UBE2E2: variants seen among roughly 807,000 people sequenced by gnomAD.
UBE2E2 encodes ubiquitin conjugating enzyme E2 E2.
In UBE2E2, 6 loss-of-function variants were observed where a neutral mutation model predicts 24.7. The ratio of observed to expected loss-of-function variants is 0.24; its 90% CI spans 0.13 to 0.48. The LOEUF is 0.48. UBE2E2 is among the 20% of genes least tolerant of loss of function. The pLI, the probability that UBE2E2 is intolerant of heterozygous loss-of-function variation, is 0.99. For synonymous variants in UBE2E2, 104 were observed against 83.6 expected (o/e 1.24, Z -1.33); for missense variants, 169 against 245.0 (o/e 0.69, Z 2.07).
At chr3:23,554,360 T>A (rs1187726443) in intron 5 of UBE2E2, among the ~76,000 whole-genome samples, 3 of 151,908 alleles carry the variant, frequency 2.0e-5, no homozygotes, top group Non-Finnish European at 4.4e-5. Flanking sequence ...TGTAAAAGAA[T>A]GAAATTGAGC....
chr3:23,320,933 A>C (rs1694721938), intron 3 of UBE2E2, among the ~76,000 whole-genome samples: 1 of 152,224 alleles, frequency 6.6e-6, no homozygotes, highest in Non-Finnish European at 1.5e-5. Flanking sequence ...AACAGAAGTT[A>C]GTGCCTCACA....
At chr3:23,215,438 CT>C (rs538558943) in intron 2 of UBE2E2, among the ~76,000 whole-genome samples, 1 of 152,128 alleles carries the variant, frequency 6.6e-6, no homozygotes, top group Non-Finnish European at 1.5e-5. Flanking sequence ...TAGATCAAAT[CT>C]TTCTCTCCCC....
chr3:23,469,457 A>G (rs1385226990), intron 3 of UBE2E2, among the ~76,000 whole-genome samples: 1 of 152,184 alleles, frequency 6.6e-6, no homozygotes, highest in Non-Finnish European at 1.5e-5. Flanking sequence ...CTAGTAAAAT[A>G]TGTATTATTC....
At chr3:23,368,676 C>G (rs913132107) in intron 3 of UBE2E2, among the ~76,000 whole-genome samples, 2 of 151,998 alleles carry the variant, frequency 1.3e-5, no homozygotes, top group Non-Finnish European at 1.5e-5. Flanking sequence ...TTATTTTTTC[C>G]TTTTGCTTTT....
intron 3 of UBE2E2, among the ~76,000 whole-genome samples, chr3:23,398,757 T>C (rs1202483521): frequency 6.6e-6 from 1 of 152,214 alleles, no homozygotes; most frequent in Non-Finnish European, 1.5e-5. Flanking sequence ...CAGGGTTTTA[T>C]AGCAGTGCCT....
Position 23,489,575 on chromosome 3 carries a change from G to T in UBE2E2, c.228-10033G>T, listed in dbSNP as rs556053201. Among the ~76,000 whole-genome samples the T allele has an allele frequency of 4.4e-4, 67 of 152,312 alleles. 1 individual carries two copies. The highest frequency in any genetic ancestry group is 1.6e-3 in the African/African-American group (66 of 41,564). The stretch of plus-strand genomic sequence containing the variant: ...CTGTTTCCATGGTATAAGTGCAGAG[G>T]TCAAGGAAGAGGTGAGCCCTGCTAG... On this transcript the variant is annotated intron_variant, in intron 3 of 5. Coordinates refer to ENST00000396703, the MANE Select transcript of UBE2E2 (RefSeq NM_152653.4).
chr3:23,406,190 T>C (rs1172196414), intron 3 of UBE2E2, among the ~76,000 whole-genome samples: 1 of 152,258 alleles, frequency 6.6e-6, no homozygotes, highest in Non-Finnish European at 1.5e-5. Flanking sequence ...CTCCAGTTTG[T>C]AAAGATTTGT....
At chr3:23,568,742 T>TACAC (rs1389631794) in intron 5 of UBE2E2, among the ~76,000 whole-genome samples, 6 of 145,266 alleles carry the variant, frequency 4.1e-5, no homozygotes, top group African/African-American at 1.5e-4. Flanking sequence ...TACATATATA[T>TACAC]ATATATATGT....
intron 3 of UBE2E2, among the ~76,000 whole-genome samples, chr3:23,364,570 C>G (rs1040120952): frequency 6.6e-6 from 1 of 152,012 alleles, no homozygotes; most frequent in Non-Finnish European, 1.5e-5. Flanking sequence ...CAAGATTGAA[C>G]CAGGAAGAAG....
chr3:23,242,937 T>G (rs1389613284), intron 3 of UBE2E2, among the ~76,000 whole-genome samples: 1 of 151,734 alleles, frequency 6.6e-6, no homozygotes, highest in East Asian at 1.9e-4. Flanking sequence ...AACACAAAAC[T>G]TAGGTGGGTG....
chr3:23,578,976 G>A (rs569299319), intron 5 of UBE2E2, among the ~76,000 whole-genome samples: 1 of 152,070 alleles, frequency 6.6e-6, no homozygotes, highest in Non-Finnish European at 1.5e-5. Context: ...TAATACACCT[G>A]GTCACCCAAG....
intron 3 of UBE2E2, among the ~76,000 whole-genome samples, chr3:23,334,881 G>C (rs1695161464): frequency 6.6e-6 from 1 of 152,134 alleles, no homozygotes; most frequent in African/African-American, 2.4e-5. Context: ...ATCCAGAATA[G>C]CTGTCTGTTC....
chr3:23,569,426 A>G (rs71322199), intron 5 of UBE2E2, among the ~76,000 whole-genome samples: 1 of 152,230 alleles, frequency 6.6e-6, no homozygotes, highest in African/African-American at 2.4e-5. Context: ...CAATCTGTGA[A>G]TATACTAAAA....
intron 3 of UBE2E2, among the ~76,000 whole-genome samples, chr3:23,414,000 A>G (rs1456853409): frequency 6.6e-6 from 1 of 152,212 alleles, no homozygotes; most frequent in Non-Finnish European, 1.5e-5. Flanking sequence ...AAAATCCTTT[A>G]TAACTCACTG....
intron 2 of UBE2E2, among the ~76,000 whole-genome samples, chr3:23,216,267 T>A (rs1696473344): frequency 6.6e-6 from 1 of 152,164 alleles, no homozygotes; most frequent in African/African-American, 2.4e-5. Flanking sequence ...TGATACCAAT[T>A]CTATTGGAGG....
At chr3:23,553,547 G>C (rs558649590) in intron 5 of UBE2E2, among the ~76,000 whole-genome samples, 10 of 152,214 alleles carry the variant, frequency 6.6e-5, no homozygotes, top group Non-Finnish European at 1.0e-4. Context: ...TTGGACATCT[G>C]TTGCTGAAGG....
chr3:23,580,159 A>G (rs1390231559), intron 5 of UBE2E2, among the ~76,000 whole-genome samples: 1 of 152,368 alleles, frequency 6.6e-6, no homozygotes, highest in Admixed American at 6.5e-5. Flanking sequence ...ATTACATATA[A>G]ACTTAGCTGA....
chr3:23,365,533 T>A (rs1314725322), intron 3 of UBE2E2, among the ~76,000 whole-genome samples: 2 of 152,016 alleles, frequency 1.3e-5, no homozygotes, highest in Non-Finnish European at 2.9e-5. Context: ...ACAAAAAGAA[T>A]AAAATACTTA....
intron 3 of UBE2E2, among the ~76,000 whole-genome samples, chr3:23,413,759 C>T (rs754206005): frequency 3.3e-5 from 5 of 152,068 alleles, no homozygotes; most frequent in African/African-American, 7.2e-5. Context: ...CCCTAATACA[C>T]GGTAAGCTCT....
Sources: allele counts gnomAD v4.1 joint callset (sites outside exome capture counted in the v4.1 genomes callset), GRCh38; gene constraint gnomAD v4.1.1; transcripts MANE v1.5; gene names NCBI Gene and HGNC (gene_info 2026-07-23, HGNC 2026-07-21).